The following GPR158 variants were observed in gnomAD, a reference collection of about 807,000 sequenced individuals.
GPR158 encodes G protein-coupled receptor 158.
GPR158 carries 30 observed loss-of-function variants against 78.2 expected under a neutral mutation model. The observed-to-expected ratio is 0.38, with a 90% CI of 0.29 to 0.52. The LOEUF (loss-of-function observed/expected upper bound fraction) is 0.52. Among genes scored for constraint, GPR158 ranks in the 20% least tolerant of loss-of-function variants. The probability of loss-of-function intolerance (pLI) is 0.83; values close to 1 mark genes in which losing one functional copy is unlikely to be tolerated. For synonymous variants in GPR158, 581 were observed against 591.1 expected, an observed-to-expected ratio of 0.98 and a Z score of 0.25; for missense variants, 1,463 against 1,523.5, an observed-to-expected ratio of 0.96 and a Z score of 0.66.
At chr10:25,410,402 G>A (rs2130546705) in intron 3 of GPR158, among the ~76,000 whole-genome samples, 1 of 152,224 alleles carries the variant, frequency 6.6e-6, no homozygotes, top group South Asian at 2.1e-4. Context: ...TGGATAACAA[G>A]GTGATAAGTT....
chr10:25,293,068 T>C (rs1476285117), intron 2 of GPR158, among the ~76,000 whole-genome samples: 1 of 152,216 alleles, frequency 6.6e-6, no homozygotes, highest in African/African-American at 2.4e-5. Context: ...AATTGTCTTC[T>C]ACTGTCCCTG....
At chr10:25,238,468 A>G (rs1853558558) in intron 2 of GPR158, among the ~76,000 whole-genome samples, 1 of 152,252 alleles carries the variant, frequency 6.6e-6, no homozygotes, top group African/African-American at 2.4e-5. Flanking sequence ...TCTTTTATAT[A>G]CATTTGAAAA....
chr10:25,394,219 C>T (rs543466436), intron 2 of GPR158, among the ~76,000 whole-genome samples: 1 of 152,162 alleles, frequency 6.6e-6, no homozygotes, highest in South Asian at 2.1e-4. Context: ...GTGGCACTAC[C>T]TTTTTCAGAC....
chr10:25,346,599 C>T (rs1855375022), intron 2 of GPR158, among the ~76,000 whole-genome samples: 1 of 151,794 alleles, frequency 6.6e-6, no homozygotes, highest in Admixed American at 6.6e-5. Context: ...AGGTATTATT[C>T]CCATAGGACA....
rs1588932265 is a variant in GPR158 at position 25,601,040 on chromosome 10, A to G, written c.*1766A>G. On this transcript the variant is annotated 3_prime_UTR_variant, in exon 11 of 11. Transcript: ENST00000376351. ...CTCCCAGCACAAATAACTATTTTTT[A>G]TGTCACAAGCAGCAAGGAGGACATG... 3 of 152,286 alleles carry G rather than the reference A, an allele frequency of 2.0e-5. No individual in the cohort carries two copies. Among genetic ancestry groups the G allele is most frequent in the African/African-American group, 7.2e-5 (3 of 41,458 alleles). 9.4% of individuals were successfully genotyped at this position (152,286 alleles called of 1,614,324 possible). A position where few individuals can be genotyped will look rare whatever the true frequency, so the allele number is the denominator to read the frequency against.
intron 2 of GPR158, among the ~76,000 whole-genome samples, chr10:25,261,597 C>T (rs777999751): frequency 1.1e-4 from 17 of 152,154 alleles, no homozygotes; most frequent in Non-Finnish European, 2.2e-4. Flanking sequence ...GCGTGTGATA[C>T]ACTTGGATTA....
At chr10:25,356,349 C>A (rs936234767) in intron 2 of GPR158, among the ~76,000 whole-genome samples, 4 of 151,992 alleles carry the variant, frequency 2.6e-5, no homozygotes, top group Non-Finnish European at 2.9e-5. Flanking sequence ...GTGAAGCTAG[C>A]TTGTTTCTAC....
intron 4 of GPR158, among the ~76,000 whole-genome samples, chr10:25,441,153 T>C (rs1835061406): frequency 6.6e-6 from 1 of 152,202 alleles, no homozygotes; most frequent in Admixed American, 6.5e-5. Flanking sequence ...CCTTCTGTTT[T>C]TGAGCTTCAG....
At chr10:25,571,678 A>AGAAAT (rs1837011130) in intron 6 of GPR158, among the ~76,000 whole-genome samples, 1 of 152,206 alleles carries the variant, frequency 6.6e-6, no homozygotes, top group Non-Finnish European at 1.5e-5. Context: ...AGAATATTCT[A>AGAAAT]GAAATGAAAT....
chr10:25,595,475 A>G (rs143327489), intron 9 of GPR158, among the ~76,000 whole-genome samples: 497 of 152,340 alleles, frequency 3.3e-3, no homozygotes, highest in Non-Finnish European at 4.6e-3. Flanking sequence ...TGTTATTCAT[A>G]ATACCCAAAA....
chr10:25,573,023 T>C (rs1837033193), intron 7 of GPR158, 136 bp downstream of exon 7: 1 of 649,412 alleles, frequency 1.5e-6, no homozygotes, highest in African/African-American at 1.8e-5. Context: ...TAAGATAACA[T>C]GGAAATGGCA....
chr10:25,536,947 C>A (rs551552630), intron 5 of GPR158, among the ~76,000 whole-genome samples: 77 of 152,318 alleles, frequency 5.1e-4, no homozygotes, highest in Non-Finnish European at 8.8e-4. Flanking sequence ...TGATCGTATG[C>A]ACGTGAAGAT....
chr10:25,353,640 C>A (rs1405247338), intron 2 of GPR158, among the ~76,000 whole-genome samples: 2 of 152,054 alleles, frequency 1.3e-5, no homozygotes, highest in Non-Finnish European at 2.9e-5. Context: ...TTTTCCTCTG[C>A]AGAGCGGCTA....
chr10:25,175,752 A>G lies in GPR158; in HGVS notation c.332A>G (p.Lys111Arg). 1.9e-6 allele frequency: 3 copies of G among 1,611,456 alleles called. No individual in the cohort carries two copies. The highest frequency in any genetic ancestry group is 2.5e-6 in the Non-Finnish European group (3 of 1,179,884). The part of the protein sequence containing the change: ...GRYELAGLPG[K>R]WPALASAHPS... ...TACGAGTTGGCGGGCCTGCCGGGGA[A>G]GTGGCCAGCCCTGGCCAGCGCGCAC... Residue 111 changes from lysine (K) to arginine (R), a missense_variant, in exon 1 of 11, where the codon AAG (lysine) becomes AGG (arginine). By Grantham distance (26) the Lys-to-Arg change is conservative. Transcript: ENST00000376351. The surrounding 1 kb of genome is among the most constrained non-coding windows in gnomAD (Gnocchi z 6.4).
At chr10:25,577,707 A>T (rs1837121728) in intron 7 of GPR158, among the ~76,000 whole-genome samples, 1 of 152,216 alleles carries the variant, frequency 6.6e-6, no homozygotes, top group Non-Finnish European at 1.5e-5. Flanking sequence ...TATAGAAAAT[A>T]GGTTGGAAAA....
chr10:25,384,045 A>G (rs1299941516), intron 2 of GPR158, among the ~76,000 whole-genome samples: 1 of 152,222 alleles, frequency 6.6e-6, no homozygotes, highest in Non-Finnish European at 1.5e-5. Flanking sequence ...GGTATGTGGT[A>G]AACAGTAAAT....
intron 6 of GPR158, among the ~76,000 whole-genome samples, chr10:25,553,727 A>G (rs529758693): frequency 6.6e-6 from 1 of 152,272 alleles, no homozygotes; most frequent in East Asian, 1.9e-4. Flanking sequence ...GTCAAGAAAC[A>G]TATGGCCCTG....
intron 7 of GPR158, among the ~76,000 whole-genome samples, chr10:25,585,747 G>A (rs1186242972): frequency 6.6e-6 from 1 of 152,204 alleles, no homozygotes; most frequent in African/African-American, 2.4e-5. Flanking sequence ...GGTAGGCCAA[G>A]GTGAGTGGAT....
intron 5 of GPR158, among the ~76,000 whole-genome samples, chr10:25,491,327 A>C (rs1835806194): frequency 6.6e-6 from 1 of 152,166 alleles, no homozygotes; most frequent in African/African-American, 2.4e-5. Flanking sequence ...ATTACACCCT[A>C]GTGTGTCTCC....
Sources: allele counts gnomAD v4.1 joint callset (sites outside exome capture counted in the v4.1 genomes callset), GRCh38; gene constraint gnomAD v4.1.1; non-coding constraint Gnocchi (gnomAD v3.1); transcripts MANE v1.5; gene names NCBI Gene and HGNC (gene_info 2026-07-23, HGNC 2026-07-21).